Variants in CSMD1 observed in about 807,000 individuals in gnomAD.
The protein encoded by CSMD1 is CUB and sushi domain-containing protein 1.
CSMD1 carries 213 observed loss-of-function variants against 417.5 expected under a neutral mutation model. The observed-to-expected ratio is 0.51, with a 90% CI of 0.46 to 0.57. The LOEUF (loss-of-function observed/expected upper bound fraction) is 0.57. CSMD1 is among the 20% of genes least tolerant of loss of function. The pLI, the probability that CSMD1 is intolerant of heterozygous loss-of-function variation, is 0.00. For synonymous variants in CSMD1, 2,862 were observed against 1,736.8 expected (o/e 1.65, Z -16.11); for missense variants, 6,923 against 4,529.7 (o/e 1.53, Z -15.17).
At chr8:3,493,286 C>A (rs1428716861) in intron 11 of CSMD1, among the ~76,000 whole-genome samples, 7 of 105,858 alleles carry the variant, frequency 6.6e-5, no homozygotes, top group Non-Finnish European at 1.1e-4. Context: ...AGAGTAAGAA[C>A]CTGTCTCAAA....
intron 3 of CSMD1, among the ~76,000 whole-genome samples, chr8:4,415,397 G>C (rs1009970442): frequency 6.6e-6 from 1 of 152,096 alleles, no homozygotes; most frequent in African/African-American, 2.4e-5. Context: ...CTTCTATTCC[G>C]GGTTTGACAC....
intron 3 of CSMD1, among the ~76,000 whole-genome samples, chr8:4,275,956 A>C (rs1796462595): frequency 6.6e-6 from 1 of 152,232 alleles, no homozygotes; most frequent in Non-Finnish European, 1.5e-5. Flanking sequence ...TGAATAGTTA[A>C]AAAGTCAGGA....
intron 5 of CSMD1, among the ~76,000 whole-genome samples, chr8:3,916,891 A>G (rs934636146): frequency 1.4e-5 from 2 of 145,794 alleles, no homozygotes; most frequent in African/African-American, 4.9e-5. Context: ...CTGGTCATGA[A>G]ACAGAATGAG....
intron 54 of CSMD1, among the ~76,000 whole-genome samples, chr8:2,987,273 T>C (rs182621944): frequency 2.6e-5 from 4 of 151,904 alleles, no homozygotes; most frequent in African/African-American, 9.6e-5. Context: ...ACATGAAAAA[T>C]TCTTCATGAT....
intron 1 of CSMD1, among the ~76,000 whole-genome samples, chr8:4,877,844 A>G (rs1352432662): frequency 6.6e-6 from 1 of 152,082 alleles, no homozygotes; most frequent in Non-Finnish European, 1.5e-5. Context: ...CTTCAAGTGA[A>G]AATATTTAAA....
At chr8:4,516,592 A>G (rs577178601) in intron 2 of CSMD1, among the ~76,000 whole-genome samples, 11 of 152,176 alleles carry the variant, frequency 7.2e-5, no homozygotes, top group African/African-American at 2.2e-4. Context: ...CTTGTGTTGT[A>G]TGGGGTCTCC....
intron 2 of CSMD1, among the ~76,000 whole-genome samples, chr8:4,467,122 T>TAAAA (rs35481238): frequency 2.6e-4 from 22 of 86,246 alleles, no homozygotes; most frequent in East Asian, 2.4e-3. Context: ...TTCTTCAGAG[T>TAAAA]AAAAAAAAAA....
chr8:4,135,471 T>C (rs1409047893), intron 3 of CSMD1, among the ~76,000 whole-genome samples: 1 of 151,492 alleles, frequency 6.6e-6, no homozygotes, highest in Non-Finnish European at 1.5e-5. Flanking sequence ...TGAATATAAC[T>C]TACACACTAA....
At chr8:4,297,646 C>G (rs889634562) in intron 3 of CSMD1, among the ~76,000 whole-genome samples, 24 of 152,106 alleles carry the variant, frequency 1.6e-4, no homozygotes, top group African/African-American at 5.6e-4. Flanking sequence ...AAAGTTCACA[C>G]TAGGGTTTGG....
intron 3 of CSMD1, among the ~76,000 whole-genome samples, chr8:4,120,880 T>C (rs1802448549): frequency 2.0e-5 from 3 of 152,202 alleles, no homozygotes; most frequent in Admixed American, 6.5e-5. Flanking sequence ...TTCTGTTTTA[T>C]TGTTTATACA....
At chr8:4,043,244 C>A (rs780412536) in intron 3 of CSMD1, among the ~76,000 whole-genome samples, 1 of 152,066 alleles carries the variant, frequency 6.6e-6, no homozygotes, top group Non-Finnish European at 1.5e-5. Context: ...AATGTTACAG[C>A]TATTAGGCTA....
intron 49 of CSMD1, among the ~76,000 whole-genome samples, chr8:3,073,403 T>A (rs541637164): frequency 6.6e-6 from 1 of 152,078 alleles, no homozygotes; most frequent in African/African-American, 2.4e-5. Flanking sequence ...CTCAGAAAAC[T>A]GGGTAGCCAT....
intron 10 of CSMD1, among the ~76,000 whole-genome samples, chr8:3,507,688 A>C (rs1796886822): frequency 6.6e-6 from 1 of 152,100 alleles, no homozygotes; most frequent in African/African-American, 2.4e-5. Context: ...CTTTTTAATG[A>C]TTGCCATTCT....
At chr8:4,745,378 C>T (rs1810885931) in intron 1 of CSMD1, among the ~76,000 whole-genome samples, 1 of 152,068 alleles carries the variant, frequency 6.6e-6, no homozygotes, top group African/African-American at 2.4e-5. Context: ...GTAACAGCAC[C>T]TAAGCTTTAA....
intron 3 of CSMD1, among the ~76,000 whole-genome samples, chr8:4,316,673 G>A (rs1798954671): frequency 6.6e-6 from 1 of 152,022 alleles, no homozygotes. Context: ...GGACTCAAAT[G>A]CAAACTAAGG....
chr8:4,471,706 C>A (rs1585132797), intron 2 of CSMD1, among the ~76,000 whole-genome samples: 1 of 151,480 alleles, frequency 6.6e-6, no homozygotes, highest in Admixed American at 6.6e-5. Context: ...CACGACCCAT[C>A]TTCAAAGAAA....
intron 1 of CSMD1, among the ~76,000 whole-genome samples, chr8:4,692,832 T>C (rs1192608153): frequency 3.9e-5 from 6 of 152,358 alleles, no homozygotes; most frequent in Admixed American, 2.0e-4. Context: ...ATAGCAGTCA[T>C]GAACTACTTT....
chr8:3,302,862 A>T (rs1447271442), intron 25 of CSMD1, among the ~76,000 whole-genome samples: 1 of 152,142 alleles, frequency 6.6e-6, no homozygotes, highest in African/African-American at 2.4e-5. Flanking sequence ...GTGGCAACTG[A>T]AAATATGAGT....
intron 5 of CSMD1, among the ~76,000 whole-genome samples, chr8:3,810,046 G>A (rs1415281158): frequency 6.6e-6 from 1 of 152,106 alleles, no homozygotes; most frequent in Non-Finnish European, 1.5e-5. Context: ...GTAGTCCTCT[G>A]TCACACCTAC....
Sources: allele counts gnomAD v4.1 joint callset (sites outside exome capture counted in the v4.1 genomes callset), GRCh38; gene constraint gnomAD v4.1.1; transcripts MANE v1.5; gene names NCBI Gene and HGNC (gene_info 2026-07-23, HGNC 2026-07-21).